The following RNF128 variants were observed in gnomAD, a reference collection of about 807,000 sequenced individuals.
RNF128 encodes the protein E3 ubiquitin-protein ligase RNF128.
A neutral mutation model predicts 26.2 loss-of-function variants in RNF128; 13 were observed. That is an observed-to-expected ratio of 0.50 (90% CI 0.32 to 0.79). The LOEUF is 0.79. Ranked by LOEUF, RNF128 falls within the 30% of genes least tolerant of loss-of-function variation. The pLI, the probability that RNF128 is intolerant of heterozygous loss-of-function variation, is 0.03. For synonymous variants in RNF128, 149 were observed against 142.5 expected, an observed-to-expected ratio of 1.05 and a Z score of -0.32; for missense variants, 315 against 349.7, an observed-to-expected ratio of 0.90 and a Z score of 0.79.
At chrX:106,782,688 T>C (rs181520572) in intron 2 of RNF128, among the ~76,000 whole-genome samples, 2 of 111,885 alleles carry the variant, frequency 1.8e-5, no homozygotes, top group Admixed American at 1.9e-4. Context: ...GTAATGGATA[T>C]AAAAAATATA....
intron 1 of RNF128, among the ~76,000 whole-genome samples, chrX:106,753,365 GT>G (rs942170862): frequency 3.6e-5 from 4 of 111,342 alleles, no homozygotes; most frequent in African/African-American, 1.3e-4. Flanking sequence ...TTGTTTGTTT[GT>G]TTTAGCAATC....
At chrX:106,735,072 T>C (rs1039999812) in intron 1 of RNF128, among the ~76,000 whole-genome samples, 5 of 111,883 alleles carry the variant, frequency 4.5e-5, no homozygotes, top group Non-Finnish European at 7.5e-5. Context: ...CTTTTTCAGC[T>C]GTGTGTATGT....
At chrX:106,700,386 A>G (rs1175408055) in intron 1 of RNF128, among the ~76,000 whole-genome samples, 10 of 111,584 alleles carry the variant, frequency 9.0e-5, no homozygotes, top group African/African-American at 2.3e-4. Context: ...CCAGGAAGAC[A>G]GAGACCACGT....
At chrX:106,709,923 T>G (rs1343659644) in intron 1 of RNF128, among the ~76,000 whole-genome samples, 1 of 111,692 alleles carries the variant, frequency 9.0e-6, no homozygotes, top group Non-Finnish European at 1.9e-5. Flanking sequence ...TTTGAAAGGC[T>G]TCCTCAATCA....
chrX:106,738,138 T>C (rs946050744), intron 1 of RNF128, among the ~76,000 whole-genome samples: 2 of 111,951 alleles, frequency 1.8e-5, no homozygotes, highest in African/African-American at 6.5e-5. Flanking sequence ...CATATTGCAA[T>C]GGAAGCAGGT....
intron 2 of RNF128, among the ~76,000 whole-genome samples, chrX:106,781,394 T>A (rs1930562894): frequency 8.9e-6 from 1 of 111,871 alleles, no homozygotes; most frequent in Non-Finnish European, 1.9e-5. Flanking sequence ...TCTTTAAATG[T>A]TGAGGTATAT....
Position 106,727,398 on chromosome X carries a change from G to A in RNF128, c.484+1G>A. ...GAGGTCATCCCCATGTCTCACCCGG[G>A]TGAGTGCAGCTACTAGATTGCACCC... is the stretch of plus-strand genomic sequence containing the variant. On this transcript the variant is annotated splice_donor_variant, in intron 1 of 6. Transcript: ENST00000255499. LOFTEE classifies it high-confidence loss of function. 8.3e-7 allele frequency: 1 copy of A among 1,210,736 alleles called. No individual in the cohort carries two copies.
At chrX:106,694,520 T>A in intron 1 of RNF128, 1 of 487,884 alleles carries the variant, frequency 2.0e-6, no homozygotes, top group Non-Finnish European at 3.1e-6. Flanking sequence ...AATTTTACTT[T>A]AAATTTTCTT....
At chrX:106,709,484 T>C (rs894018806) in intron 1 of RNF128, among the ~76,000 whole-genome samples, 1 of 112,221 alleles carries the variant, frequency 8.9e-6, no homozygotes, top group Admixed American at 9.5e-5. Flanking sequence ...TATACTTTCA[T>C]AATATGAAGC....
intron 4 of RNF128, among the ~76,000 whole-genome samples, chrX:106,789,846 G>A (rs1930789097): frequency 9.1e-6 from 1 of 109,452 alleles, no homozygotes; most frequent in Non-Finnish European, 1.9e-5. Context: ...CTATATTATT[G>A]AGAATGACTG....
At position 106,788,415 on chromosome X, in the gene RNF128, TA is replaced by T. The variant is rs1930717715; in HGVS notation, c.887+416del. Among the ~76,000 whole-genome samples the T allele has an allele frequency of 1.0e-4, 5 of 47,833 alleles. No homozygotes were observed. In the Admixed American group the frequency reaches 1.6e-3, roughly 15 times the overall value. The allele number at this position is 47,833 out of a possible 115,157, so 41.5% of individuals were successfully genotyped here. A position where few individuals can be genotyped will look rare whatever the true frequency, so the allele number is the denominator to read the frequency against. On this transcript the variant is annotated intron_variant, in intron 4 of 6. Coordinates refer to ENST00000255499, the MANE Select transcript of RNF128 (RefSeq NM_194463.2). ...TATATATTATATATAATATATAATATATAATATATATTATATATAATATTAT... is the reference window on the plus strand; with the variant it reads ...TATATATTATATATAATATATAATATTAATATATATTATATATAATATTAT...
At chrX:106,761,824 TC>T in intron 1 of RNF128, among the ~76,000 whole-genome samples, 1 of 110,387 alleles carries the variant, frequency 9.1e-6, no homozygotes, top group East Asian at 2.8e-4. Context: ...AATAAATGTT[TC>T]CTCTTTGGTC....
chrX:106,739,260 A>G (rs915558523), intron 1 of RNF128, among the ~76,000 whole-genome samples: 2 of 110,336 alleles, frequency 1.8e-5, no homozygotes, highest in Non-Finnish European at 3.8e-5. Flanking sequence ...CCCGGGTTCA[A>G]GCGATTCTCC....
intron 1 of RNF128, among the ~76,000 whole-genome samples, chrX:106,763,521 C>T (rs1930154422): frequency 8.9e-6 from 1 of 112,462 alleles, no homozygotes; most frequent in Non-Finnish European, 1.9e-5. Flanking sequence ...TTTTTGTTTT[C>T]GTTGAGACGG....
intron 1 of RNF128, among the ~76,000 whole-genome samples, chrX:106,766,227 G>A (rs1044859015): frequency 1.3e-4 from 15 of 111,746 alleles, no homozygotes; most frequent in South Asian, 7.6e-4. Flanking sequence ...TTGGGTATAT[G>A]CCCAGTAATG....
At chrX:106,699,383 T>C (rs1928918335) in intron 1 of RNF128, among the ~76,000 whole-genome samples, 1 of 112,321 alleles carries the variant, frequency 8.9e-6, no homozygotes, top group South Asian at 3.7e-4. Flanking sequence ...CAAGCTTTTG[T>C]ACTTGCTGCC....
intron 1 of RNF128, among the ~76,000 whole-genome samples, chrX:106,741,836 A>T (rs766835099): frequency 2.5e-3 from 284 of 112,117 alleles, no homozygotes; most frequent in African/African-American, 9.0e-3. Flanking sequence ...CCCTAACATG[A>T]AGTTCATAGT....
At chrX:106,775,203 G>GT (rs1011791528) in intron 2 of RNF128, among the ~76,000 whole-genome samples, 3 of 111,842 alleles carry the variant, frequency 2.7e-5, no homozygotes, top group African/African-American at 6.5e-5. Flanking sequence ...ATATTGTGCG[G>GT]TTTTTTATCT....
chrX:106,791,605 A>G (rs1305032889), intron 6 of RNF128, among the ~76,000 whole-genome samples: 1 of 111,447 alleles, frequency 9.0e-6, no homozygotes, highest in Non-Finnish European at 1.9e-5. Context: ...TTCTGAAATG[A>G]TAAAACAGAA....
Sources: gnomAD v4.1 joint callset for allele counts (sites outside exome capture counted in the v4.1 genomes callset) on GRCh38, gnomAD v4.1.1 for gene constraint, MANE v1.5 for transcripts, NCBI Gene and HGNC (gene_info 2026-07-23, HGNC 2026-07-21) for gene names.